Variants in LHCGR observed in about 807,000 individuals in gnomAD.
The protein encoded by LHCGR is lutropin-choriogonadotropic hormone receptor.
A neutral mutation model predicts 60.7 loss-of-function variants in LHCGR; 55 were observed. The observed-to-expected ratio is 0.91, with a 90% CI of 0.73 to 1.13. The LOEUF is 1.13. LHCGR is among the 50% of genes most tolerant of loss of function. The pLI is 0.00. For synonymous variants in LHCGR, 337 were observed against 316.5 expected (o/e 1.06, Z -0.69); for missense variants, 862 against 836.0 (o/e 1.03, Z -0.38).
At chr2:48,731,151 TTC>T in intron 2 of LHCGR, 74 bp downstream of exon 2, 1 of 1,005,184 alleles carries the variant, frequency 9.9e-7, no homozygotes, top group African/African-American at 1.6e-5. Context: ...ATTATCCCCT[TTC>T]AAATGTGTTT....
At chr2:48,698,226 G>T (rs1170663403) in intron 9 of LHCGR, among the ~76,000 whole-genome samples, 2 of 152,142 alleles carry the variant, frequency 1.3e-5, no homozygotes, top group African/African-American at 4.8e-5. Flanking sequence ...TTAAATCAAA[G>T]ATTTAAACAT....
At chr2:48,698,026 C>T (rs1047456196) in intron 9 of LHCGR, among the ~76,000 whole-genome samples, 3 of 152,160 alleles carry the variant, frequency 2.0e-5, no homozygotes, top group African/African-American at 7.2e-5. Context: ...AATTCTGCCA[C>T]CGTGTCCCCC....
intron 3 of LHCGR, among the ~76,000 whole-genome samples, chr2:48,727,377 T>C (rs925232483): frequency 1.3e-5 from 2 of 152,220 alleles, no homozygotes; most frequent in South Asian, 2.1e-4. Flanking sequence ...CATCGTTCTA[T>C]GTGCTGGGAA....
At chr2:48,722,546 A>G (rs769145258) in intron 6 of LHCGR, among the ~76,000 whole-genome samples, 12 of 152,192 alleles carry the variant, frequency 7.9e-5, no homozygotes, top group South Asian at 2.1e-4. Flanking sequence ...CTTGTGATAG[A>G]GTTCTCATGA....
At chr2:48,708,902 TTGGGG>T in intron 8 of LHCGR, 41 bp downstream of exon 8, 3 of 1,466,302 alleles carry the variant, frequency 2.0e-6, no homozygotes, top group Non-Finnish European at 2.9e-6. Context: ...AGCAGTCCTG[TTGGGG>T]TACACTGGGC....
chr2:48,731,135 A>G, intron 2 of LHCGR, 92 bp downstream of exon 2: 1 of 834,974 alleles, frequency 1.2e-6, no homozygotes, highest in Admixed American at 1.9e-5. Flanking sequence ...TTTCTTTCCT[A>G]GAAAAATTAT....
intron 8 of LHCGR, among the ~76,000 whole-genome samples, chr2:48,706,756 T>C (rs534643929): frequency 6.6e-6 from 1 of 152,342 alleles, no homozygotes; most frequent in South Asian, 2.1e-4. Flanking sequence ...TTTATGTTCT[T>C]TTCTACACTG....
intron 6 of LHCGR, chr2:48,721,816 T>C (rs887992360): frequency 6.4e-6 from 3 of 470,384 alleles, no homozygotes; most frequent in Middle Eastern, 3.3e-4. Flanking sequence ...GGGATATGGA[T>C]TTTAGGAGCA....
chr2:48,701,982 A>T (rs1667432953), intron 8 of LHCGR, among the ~76,000 whole-genome samples: 1 of 152,134 alleles, frequency 6.6e-6, no homozygotes, highest in Non-Finnish European at 1.5e-5. Flanking sequence ...TATTTTACTT[A>T]CTACTGTCTG....
intron 1 of LHCGR, 139 bp downstream of exon 1, chr2:48,755,372 T>G: frequency 1.6e-6 from 1 of 622,220 alleles, no homozygotes; most frequent in African/African-American, 1.9e-5. Flanking sequence ...CCCTAAAACG[T>G]GGGGGAAATT....
At chr2:48,711,611 C>T (rs1667992366) in intron 7 of LHCGR, among the ~76,000 whole-genome samples, 1 of 152,178 alleles carries the variant, frequency 6.6e-6, no homozygotes, top group African/African-American at 2.4e-5. Context: ...AATCTTCCCT[C>T]CTAAATTTCT....
intron 6 of LHCGR, chr2:48,721,506 G>A (rs774731565): frequency 6.4e-5 from 20 of 311,008 alleles, no homozygotes; most frequent in Non-Finnish European, 1.1e-4. Flanking sequence ...TCTTTTGATT[G>A]CATTAATCTG....
intron 4 of LHCGR, among the ~76,000 whole-genome samples, chr2:48,724,705 C>G (rs1481517360): frequency 6.6e-6 from 1 of 152,094 alleles, no homozygotes; most frequent in Admixed American, 6.5e-5. Flanking sequence ...TATGTTTTTT[C>G]AAAGTAGTTG....
chr2:48,729,880 G>T (rs1444025349), intron 2 of LHCGR, among the ~76,000 whole-genome samples: 1 of 152,158 alleles, frequency 6.6e-6, no homozygotes, highest in Non-Finnish European at 1.5e-5. Flanking sequence ...GCTTCATGTT[G>T]CTTGGCACAG....
intron 1 of LHCGR, among the ~76,000 whole-genome samples, chr2:48,754,275 G>A (rs1175726433): frequency 1.3e-5 from 2 of 152,168 alleles, no homozygotes; most frequent in East Asian, 3.9e-4. Flanking sequence ...GGCCTGGCAG[G>A]GAGGGTGAGT....
intron 8 of LHCGR, among the ~76,000 whole-genome samples, chr2:48,699,003 G>A (rs1425158577): frequency 6.6e-6 from 1 of 151,992 alleles, no homozygotes; most frequent in African/African-American, 2.4e-5. Flanking sequence ...TACCACGCCC[G>A]GCTAAGAGAC....
chr2:48,705,668 C>A (rs1488549266), intron 8 of LHCGR, among the ~76,000 whole-genome samples: 2 of 150,842 alleles, frequency 1.3e-5, no homozygotes, highest in Non-Finnish European at 2.9e-5. Context: ...CTCTTTTGAT[C>A]TTTGTTGGTT....
At chr2:48,731,188 CAA>C (rs1215663630) in intron 2 of LHCGR, 37 bp downstream of exon 2, 4 of 1,356,530 alleles carry the variant, frequency 2.9e-6, no homozygotes, top group African/African-American at 1.4e-5. Flanking sequence ...TTCATTATTC[CAA>C]TTACGAATGT....
chr2:48,710,526 C>A (rs190355078), intron 7 of LHCGR, among the ~76,000 whole-genome samples: 9 of 152,328 alleles, frequency 5.9e-5, no homozygotes, highest in Admixed American at 3.9e-4. Flanking sequence ...AAAAATAAAT[C>A]AATTTCCCAC....
Sources: allele counts gnomAD v4.1 joint callset (sites outside exome capture counted in the v4.1 genomes callset), GRCh38; gene constraint gnomAD v4.1.1; transcripts MANE v1.5; gene names NCBI Gene and HGNC (gene_info 2026-07-23, HGNC 2026-07-21).